Variants in ZC3H12B observed in about 807,000 individuals in gnomAD.
The protein encoded by ZC3H12B is zinc finger CCCH-type containing 12B.
Under a neutral mutation model 43.9 loss-of-function variants are expected in ZC3H12B, and 7 were observed. That is an observed-to-expected ratio of 0.16 (90% CI 0.09 to 0.30). ZC3H12B has a LOEUF of 0.30. Ranked by LOEUF, ZC3H12B falls within the 10% of genes least tolerant of loss-of-function variation. The pLI is 1.00. For missense variants in ZC3H12B, 475 were observed against 670.2 expected (o/e 0.71, Z 3.22); for synonymous variants, 222 against 241.7 (o/e 0.92, Z 0.76).
At chrX:65,193,235 G>A in the ZC3H12B span, among the ~76,000 whole-genome samples, 1 of 110,306 alleles carries the variant, frequency 9.1e-6, no homozygotes, top group African/African-American at 3.3e-5. Flanking sequence ...AAGGAGGGTT[G>A]ACATTAGTTC....
At chrX:65,274,347 GA>G in the ZC3H12B span, among the ~76,000 whole-genome samples, 1 of 110,641 alleles carries the variant, frequency 9.0e-6, no homozygotes, top group Admixed American at 9.6e-5. Context: ...GCACCATTTT[GA>G]GACCAGAGCC....
the ZC3H12B span, among the ~76,000 whole-genome samples, chrX:65,167,033 G>A: frequency 8.9e-6 from 1 of 111,912 alleles, no homozygotes; most frequent in Non-Finnish European, 1.9e-5. Context: ...CTGTACAGAA[G>A]CCCTTTATTT....
chrX:65,275,900 A>C, the ZC3H12B span, among the ~76,000 whole-genome samples: 1 of 112,134 alleles, frequency 8.9e-6, no homozygotes, highest in Admixed American at 9.5e-5. Context: ...AATCTCAAGG[A>C]AACTCAATGA....
At chrX:65,278,196 C>T in the ZC3H12B span, among the ~76,000 whole-genome samples, 1 of 111,653 alleles carries the variant, frequency 9.0e-6, no homozygotes, top group Non-Finnish European at 1.9e-5. Flanking sequence ...GGATAAACTC[C>T]TGGACACGTA....
intron 3 of ZC3H12B, among the ~76,000 whole-genome samples, chrX:65,459,233 A>G (rs2067690123): frequency 8.9e-6 from 1 of 111,987 alleles, no homozygotes; most frequent in Admixed American, 9.4e-5. Context: ...CCAACCGAAA[A>G]AAGTCCAGGA....
chrX:65,152,296 C>T, the ZC3H12B span, among the ~76,000 whole-genome samples: 4 of 111,621 alleles, frequency 3.6e-5, no homozygotes, highest in Non-Finnish European at 7.5e-5. Context: ...CAAATTGTCC[C>T]TTTTTGCAGA....
chrX:65,387,988 TAG>T (rs780863036), intron 2 of ZC3H12B, among the ~76,000 whole-genome samples: 1 of 112,390 alleles, frequency 8.9e-6, no homozygotes, highest in African/African-American at 3.2e-5. Context: ...TTCTGGCTTG[TAG>T]AGTTTCTGCC....
Position 65,477,817 on chromosome X carries a change from C to CTGTGTGTG in ZC3H12B, n.408-10795_408-10788dup, listed in dbSNP as rs746164349. On this transcript the variant is annotated intron_variant and non_coding_transcript_variant, in intron 3 of 5. Coordinates refer to the ZC3H12B transcript ENST00000617377. ...GTTGGAAAAACTCAAAAACATTCCT[C>CTGTGTGTG]TGTGTGTGTGTGTGTGTGTGTGTGT... Among the ~76,000 whole-genome samples, 116 of 92,986 alleles carry CTGTGTGTG rather than the reference C, an allele frequency of 1.2e-3. 2 individuals carry two copies. The highest frequency in any genetic ancestry group is 3.3e-3 in the African/African-American group (81 of 24,577). The allele number at this position is 92,986 out of a possible 115,157, so 80.7% of individuals were successfully genotyped here. A position where few individuals can be genotyped will look rare whatever the true frequency, so the allele number is the denominator to read the frequency against.
chrX:65,226,424 A>G, the ZC3H12B span, among the ~76,000 whole-genome samples: 14 of 111,826 alleles, frequency 1.3e-4, no homozygotes, highest in Non-Finnish European at 2.4e-4. Context: ...ATCATGCCAA[A>G]TTGTAAAGAC....
At chrX:65,222,384 CA>C in the ZC3H12B span, among the ~76,000 whole-genome samples, 2 of 110,255 alleles carry the variant, frequency 1.8e-5, no homozygotes, top group Non-Finnish European at 3.8e-5. Flanking sequence ...CAATGGCATC[CA>C]AATCAGTAAA....
At position 65,438,476 on chromosome X, in the gene ZC3H12B, A is replaced by G. The variant is rs925158401; in HGVS notation, n.407+39772A>G. On this transcript the variant is annotated intron_variant and non_coding_transcript_variant, in intron 3 of 5. Coordinates refer to the ZC3H12B transcript ENST00000617377. Reference sequence around the variant, plus strand: ...AATGCCAAGACCAGCTCAGTCGGGGAGACCCTAACCCAGAGGTGCTAGAGG... The same window carrying G: ...AATGCCAAGACCAGCTCAGTCGGGGGGACCCTAACCCAGAGGTGCTAGAGG... 2.6e-4 allele frequency among the ~76,000 whole-genome samples: 29 copies of G among 111,954 alleles called. 1 individual carries two copies. Among genetic ancestry groups the G allele is most frequent in the African/African-American group, 8.8e-4 (27 of 30,789 alleles).
the ZC3H12B span, among the ~76,000 whole-genome samples, chrX:65,289,275 G>C: frequency 9.1e-6 from 1 of 110,418 alleles, no homozygotes; most frequent in Non-Finnish European, 1.9e-5. Flanking sequence ...AACAGAGCCT[G>C]AATAGCCAAA....
In ZC3H12B at chrX:65,408,406, C is replaced by T. The variant is rs1365719093; in HGVS notation, n.407+9702C>T. 1.0e-5 allele frequency: 12 copies of T among 1,205,492 alleles called. No homozygotes were observed. The South Asian group carries it at 1.1e-4, about 11-fold the overall frequency. On this transcript the variant is annotated intron_variant and non_coding_transcript_variant, in intron 3 of 5. Transcript: ENST00000617377. ...ATCAACAACAGGTGGCCCAGGCTGT[C>T]GAACGTGCCAAACAGGTGACCATGG...
the ZC3H12B span, among the ~76,000 whole-genome samples, chrX:65,212,153 ATT>A: frequency 1.9e-5 from 1 of 51,918 alleles, no homozygotes; most frequent in Non-Finnish European, 3.1e-5. Flanking sequence ...TTAACATTAT[ATT>A]AGTATATAAT....
At chrX:65,246,070 G>T in the ZC3H12B span, among the ~76,000 whole-genome samples, 3 of 111,336 alleles carry the variant, frequency 2.7e-5, no homozygotes, top group African/African-American at 9.8e-5. Context: ...AAAATCTCAG[G>T]ATACCAAATC....
At chrX:65,349,988 T>A in the ZC3H12B span, among the ~76,000 whole-genome samples, 51 of 111,637 alleles carry the variant, frequency 4.6e-4, no homozygotes, top group Non-Finnish European at 7.5e-4. Context: ...AAAGAGGGAA[T>A]CCTCCCTAAC....
At chrX:65,308,597 A>G in the ZC3H12B span, among the ~76,000 whole-genome samples, 3 of 111,477 alleles carry the variant, frequency 2.7e-5, no homozygotes, top group Non-Finnish European at 5.6e-5. Context: ...AAGGTTAACA[A>G]GGATATCCAG....
chrX:65,361,745 T>TA (rs1391306262), upstream of ZC3H12B, among the ~76,000 whole-genome samples: 5 of 109,928 alleles, frequency 4.5e-5, no homozygotes, highest in Non-Finnish European at 9.5e-5. Context: ...CTCCCAACAT[T>TA]AAAAAAAGCT....
At chrX:65,503,820 T>C (rs966216531) in exon 5 of ZC3H12B, 2 of 111,187 alleles carry the variant, frequency 1.8e-5, no homozygotes, top group African/African-American at 6.6e-5. Flanking sequence ...TTTCACCGTG[T>C]TGGCCAGGCT....
Sources: allele counts gnomAD v4.1 joint callset (sites outside exome capture counted in the v4.1 genomes callset), GRCh38; gene constraint gnomAD v4.1.1; transcripts MANE v1.5; gene names NCBI Gene and HGNC (gene_info 2026-07-23, HGNC 2026-07-21).